The following TNNI3K variants were observed in gnomAD, a reference collection of about 807,000 sequenced individuals.
TNNI3K encodes the protein TNNI3 interacting kinase, also known as serine/threonine-protein kinase TNNI3K.
Under a neutral mutation model 114.5 loss-of-function variants are expected in TNNI3K, and 140 were observed. The ratio of observed to expected loss-of-function variants is 1.22; its 90% CI spans 1.07 to 1.41. The LOEUF is 1.41. TNNI3K is among the 40% of genes most tolerant of loss of function. TNNI3K has a pLI of 0.00. For missense variants in TNNI3K, 1,125 were observed against 1,007.6 expected, an observed-to-expected ratio of 1.12 and a Z score of -1.58; for synonymous variants, 347 against 347.5, an observed-to-expected ratio of 1.00 and a Z score of 0.02.
intron 21 of TNNI3K, 74 bp downstream of exon 21, chr1:74,463,624 C>G: frequency 6.5e-7 from 1 of 1,532,492 alleles, no homozygotes; most frequent in Non-Finnish European, 9.0e-7. Context: ...ACTCCAAAGT[C>G]TACTTTCAGT....
chr1:74,446,755 A>G (rs983709777), intron 20 of TNNI3K, among the ~76,000 whole-genome samples: 2 of 143,822 alleles, frequency 1.4e-5, no homozygotes, highest in Non-Finnish European at 3.0e-5. Flanking sequence ...AGCTTTCTAC[A>G]TATGGCTAGC....
intron 12 of TNNI3K, among the ~76,000 whole-genome samples, chr1:74,367,616 C>T (rs1662344075): frequency 6.6e-6 from 1 of 151,890 alleles, no homozygotes; most frequent in African/African-American, 2.4e-5. Flanking sequence ...CTAGGAAGGC[C>T]TGGATAAGCT....
intron 21 of TNNI3K, among the ~76,000 whole-genome samples, chr1:74,485,318 T>C (rs1668699475): frequency 6.6e-6 from 1 of 152,220 alleles, no homozygotes; most frequent in Admixed American, 6.5e-5. Context: ...AACAATGCCC[T>C]GCATGGGGCA....
At position 74,370,301 on chromosome 1, in the gene TNNI3K, C is replaced by T; in HGVS notation, c.1681C>T (p.Gln561Ter). The change falls in exon 17 of 25, where the codon CAG (glutamine) becomes TAG (stop). Residue 561 changes from glutamine (Q) to a stop codon, truncating the protein, a stop_gained. Transcript: ENST00000326637. LOFTEE classifies it high-confidence loss of function. ...LHEQKRILDL[Q>*]SKLIIAVDVA... ...TTTAAATTCTAGGATTCTTGATTTGCAGTCTAAATTAATTATTGCAGTAGA... is the reference window on the plus strand; with the variant it reads ...TTTAAATTCTAGGATTCTTGATTTGTAGTCTAAATTAATTATTGCAGTAGA... 1 of 1,591,524 alleles carries T rather than the reference C, an allele frequency of 6.3e-7. No homozygotes were observed. The highest frequency in any genetic ancestry group is 8.6e-7 in the Non-Finnish European group (1 of 1,167,986).
rs1666914051 is a variant in TNNI3K at position 74,449,976 on chromosome 1, C to T, written c.2011+10354C>T. The stretch of plus-strand genomic sequence containing the variant: ...CATTTTTTTCAGCACCACACCACAC[C>T]TATTCCAAAATTGACCACATAGTTG... On this transcript the variant is annotated intron_variant, in intron 20 of 24. Transcript: ENST00000326637. Among the ~76,000 whole-genome samples the T allele has an allele frequency of 3.5e-5, 3 of 85,618 alleles. No individual in the cohort carries two copies. The Admixed American group carries it at 4.1e-4, about 12-fold the overall frequency. 56.2% of individuals were successfully genotyped at this position (85,618 alleles called of 152,430 possible).
chr1:74,410,410 T>C (rs1204973387), intron 17 of TNNI3K, among the ~76,000 whole-genome samples: 1 of 152,216 alleles, frequency 6.6e-6, no homozygotes, highest in Non-Finnish European at 1.5e-5. Context: ...CAGTGCACTT[T>C]CCACTACTCC....
At chr1:74,496,925 G>A (rs575174605) in intron 23 of TNNI3K, among the ~76,000 whole-genome samples, 1 of 152,268 alleles carries the variant, frequency 6.6e-6, no homozygotes, top group East Asian at 1.9e-4. Flanking sequence ...TAGTGTTTAT[G>A]TGGGGCTGGG....
At chr1:74,289,116 AT>A (rs1657508285) in intron 5 of TNNI3K, among the ~76,000 whole-genome samples, 1 of 151,946 alleles carries the variant, frequency 6.6e-6, no homozygotes, top group Non-Finnish European at 1.5e-5. Context: ...GTATATAAAT[AT>A]CCAAAGAAGC....
Position 74,271,661 on chromosome 1 carries a change from G to A in TNNI3K, c.397G>A (p.Gly133Ser), listed in dbSNP as rs145498815. The stretch of plus-strand genomic sequence containing the variant: ...AGCTGATATACAGCAGGTTGGATAC[G>A]GTGGCCTCACTGCCCTCCATATTGC... ...SGADIQQVGY[G>S]GLTALHIATI... Residue 133 changes from glycine (G) to serine (S), a missense_variant, in exon 5 of 25, where the codon GGT becomes AGT. Coordinates refer to ENST00000326637, the MANE Select transcript of TNNI3K (RefSeq NM_015978.3). 206 of 1,609,144 alleles carry A rather than the reference G, an allele frequency of 1.3e-4. No homozygotes were observed. The highest frequency in any genetic ancestry group is 9.8e-4 in the African/African-American group (73 of 74,758).
intron 6 of TNNI3K, among the ~76,000 whole-genome samples, chr1:74,335,389 T>C (rs1327243271): frequency 6.6e-6 from 1 of 152,198 alleles, no homozygotes; most frequent in Non-Finnish European, 1.5e-5. Context: ...ATTGTTTGCT[T>C]AGGCAAAGCT....
Position 74,343,059 on chromosome 1 carries a change from T to G in TNNI3K, c.828-16T>G. The G allele has an allele frequency of 1.9e-6, 3 of 1,613,072 alleles. No individual in the cohort carries two copies. Among genetic ancestry groups the G allele is most frequent in the Non-Finnish European group, 2.5e-6 (3 of 1,179,664 alleles). On this transcript the variant is annotated splice_polypyrimidine_tract_variant and intron_variant, in intron 8 of 24. Coordinates refer to ENST00000326637, the MANE Select transcript of TNNI3K (RefSeq NM_015978.3). ...ACTTGCTTACAATATTAACAAGATA[T>G]TTTCTTCAAATCTAGGGCATGCTAC...
chr1:74,368,854 T>G, intron 13 of TNNI3K, 168 bp from the exon 14 acceptor site: 2 of 573,562 alleles, frequency 3.5e-6, no homozygotes, highest in Non-Finnish European at 2.9e-6. Flanking sequence ...GTAGGGATCA[T>G]TTGGGTTAAG....
intron 23 of TNNI3K, among the ~76,000 whole-genome samples, chr1:74,513,604 C>T (rs1177583486): frequency 6.6e-6 from 1 of 152,204 alleles, no homozygotes; most frequent in Non-Finnish European, 1.5e-5. Flanking sequence ...GCTGGCGCTA[C>T]TATGTGGGAG....
chr1:74,344,773 T>C (rs951231846), intron 9 of TNNI3K, among the ~76,000 whole-genome samples: 3 of 152,172 alleles, frequency 2.0e-5, no homozygotes, highest in Non-Finnish European at 4.4e-5. Flanking sequence ...TGAAAGTATA[T>C]ACCCAATTGT....
intron 20 of TNNI3K, among the ~76,000 whole-genome samples, chr1:74,449,887 G>C (rs1170188227): frequency 1.5e-5 from 2 of 135,208 alleles, no homozygotes; most frequent in East Asian, 4.3e-4. Flanking sequence ...ATTGAACTCA[G>C]CTCTGCACCA....
At chr1:74,479,579 A>T (rs181387129) in intron 21 of TNNI3K, among the ~76,000 whole-genome samples, 24 of 152,290 alleles carry the variant, frequency 1.6e-4, no homozygotes, top group Middle Eastern at 3.4e-3. Context: ...TAGGTAATCC[A>T]ACTACAGAGC....
intron 21 of TNNI3K, chr1:74,471,673 C>T (rs965436590): frequency 1.7e-5 from 7 of 400,718 alleles, no homozygotes; most frequent in Non-Finnish European, 2.7e-5. Flanking sequence ...CATCATCGAC[C>T]TATTTATTTC....
intron 21 of TNNI3K, among the ~76,000 whole-genome samples, chr1:74,474,853 C>T (rs1668111794): frequency 6.6e-6 from 1 of 151,978 alleles, no homozygotes; most frequent in Admixed American, 6.6e-5. Context: ...AAATGAATCA[C>T]TAGCATTAGA....
intron 21 of TNNI3K, chr1:74,480,283 T>G (rs1167231697): frequency 5.6e-6 from 4 of 717,452 alleles, no homozygotes. Flanking sequence ...GCACACTCTG[T>G]GCAGCTGCCA....
Sources: allele counts gnomAD v4.1 joint callset (sites outside exome capture counted in the v4.1 genomes callset), GRCh38; gene constraint gnomAD v4.1.1; transcripts MANE v1.5; gene names NCBI Gene and HGNC (gene_info 2026-07-23, HGNC 2026-07-21).